YLPM1: variants seen among roughly 807,000 people sequenced by gnomAD.
YLPM1 encodes YLP motif-containing protein 1.
In YLPM1, 99 loss-of-function variants were observed where a neutral mutation model predicts 230.0. The ratio of observed to expected loss-of-function variants is 0.43; its 90% CI spans 0.37 to 0.51. YLPM1 has a LOEUF of 0.51. Ranked by LOEUF, YLPM1 falls within the 20% of genes least tolerant of loss-of-function variation. The pLI is 0.00. For synonymous variants in YLPM1, 984 were observed against 942.5 expected, an observed-to-expected ratio of 1.04 and a Z score of -0.81; for missense variants, 2,592 against 2,707.7, an observed-to-expected ratio of 0.96 and a Z score of 0.95.
chr14:74,835,389 T>G lies in YLPM1; in HGVS notation c.6419T>G (p.Leu2140Arg), dbSNP rs2091636050. Residue 2140 changes from leucine to arginine, a missense_variant, in exon 20 of 21, where the codon CTC becomes CGC. Physicochemically the swap from Leu to Arg is moderately radical, Grantham distance 102. This residue lies in a region of YLPM1 where 315 missense variants were observed against 429.3 expected (regional missense o/e 0.73). Coordinates refer to ENST00000325680, the MANE Select transcript of YLPM1 (RefSeq NM_019589.3). ...AGTGGTCACCTGGCTGAAAAAGCCC[T>G]CAATCGAACCAAATATATATGAGAC... ...DESGHLAEKA[L>R]NRTKYI The G allele has an allele frequency of 6.2e-7, 1 of 1,613,516 alleles. No individual in the cohort carries two copies. The highest frequency in any genetic ancestry group is 1.3e-5 in the African/African-American group (1 of 74,896).
At position 74,764,250 on chromosome 14, in the gene YLPM1, C is replaced by T. The variant is rs45599947; in HGVS notation, c.761C>T (p.Pro254Leu). ...GCTCCACCACCACCGTCCGCCCCCCCTGGAAATAAGACAACTGTCCAGCAA... is the reference window on the plus strand; with the variant it reads ...GCTCCACCACCACCGTCCGCCCCCCTTGGAAATAAGACAACTGTCCAGCAA... ...LLAPPPPSAP[P>L]GNKTTVQQEP... Residue 254 changes from proline (P) to leucine (L), a missense_variant, in exon 1 of 21, where the codon CCT becomes CTT. Around this residue, in one of 4 missense-constraint regions of YLPM1, gnomAD observed 1,862 missense variants for 1,819.8 expected, o/e 1.02. Coordinates refer to ENST00000325680, the MANE Select transcript of YLPM1 (RefSeq NM_019589.3). 0.065 allele frequency: 105,154 copies of T among 1,613,876 alleles called. 3,817 individuals carry two copies. The highest frequency in any genetic ancestry group is 0.1 in the Middle Eastern group (624 of 6,062).
intron 1 of YLPM1, 35 bp from the exon 2 acceptor site, chr14:74,778,412 T>C: frequency 1.3e-6 from 2 of 1,543,638 alleles, no homozygotes; most frequent in Non-Finnish European, 1.8e-6. Context: ...TACATGATTG[T>C]CAATCAAAAT....
intron 4 of YLPM1, among the ~76,000 whole-genome samples, chr14:74,791,233 A>G (rs2091203584): frequency 6.6e-6 from 1 of 152,192 alleles, no homozygotes; most frequent in Non-Finnish European, 1.5e-5. Context: ...ATGCCACTTC[A>G]TTCCAGCCTG....
Position 74,798,903 on chromosome 14 carries a change from A to G in YLPM1, c.3606A>G (p.Glu1202=). 1 of 1,613,962 alleles carries G rather than the reference A, an allele frequency of 6.2e-7. No homozygotes were observed. The highest frequency in any genetic ancestry group is 1.3e-5 in the African/African-American group (1 of 75,042). Residue 1202 remains glutamate, a synonymous_variant, in exon 5 of 21, where the codon GAA becomes GAG. Transcript: ENST00000325680. ...ACCATGGAGAAGAGCGAGGGCATGA[A>G]GAGTTTCCATTAGATGGTAGAAATG... The part of the protein sequence containing the change: ...PWNHGEERGH[E]EFPLDGRNAP...
intron 6 of YLPM1, among the ~76,000 whole-genome samples, chr14:74,808,565 G>A (rs919606767): frequency 2.0e-5 from 3 of 152,136 alleles, no homozygotes; most frequent in Non-Finnish European, 4.4e-5. Context: ...CATTTTGGGA[G>A]GCTGAGGTGG....
chr14:74,807,986 T>A (rs1188796588), intron 6 of YLPM1, among the ~76,000 whole-genome samples: 1 of 152,258 alleles, frequency 6.6e-6, no homozygotes, highest in African/African-American at 2.4e-5. Context: ...AGGGTTTTTT[T>A]AAAATTTTGA....
In YLPM1 at chr14:74,781,524, G is replaced by T. The variant is rs759391594; in HGVS notation, c.1481G>T (p.Ser494Ile). The change falls in exon 4 of 21, where the codon AGC becomes ATC. Residue 494 changes from serine (S) to isoleucine (I), a missense_variant. By Grantham distance (142) the Ser-to-Ile change is moderately radical. Transcript: ENST00000325680. Reference protein sequence around the residue: ...TWQGHMKATQSYLQEKVNSFQ... With the variant: ...TWQGHMKATQIYLQEKVNSFQ... ...CAGGGACATATGAAAGCCACTCAGA[G>T]CTATCTCCAGGAGAAAGTCAATTCA... 1 of 1,613,988 alleles carries T rather than the reference G, an allele frequency of 6.2e-7. No individual in the cohort carries two copies. Among genetic ancestry groups the T allele is most frequent in the Non-Finnish European group, 8.5e-7 (1 of 1,179,896 alleles).
intron 11 of YLPM1, among the ~76,000 whole-genome samples, chr14:74,815,475 T>C (rs1412855500): frequency 6.6e-6 from 1 of 151,242 alleles, no homozygotes; most frequent in East Asian, 1.9e-4. Context: ...GGCATGAGAA[T>C]CGCTCAAACC....
At chr14:74,815,413 T>G (rs12432026) in intron 11 of YLPM1, among the ~76,000 whole-genome samples, 72,770 of 151,704 alleles carry the variant, frequency 0.48, 17,827 homozygotes, top group Non-Finnish European at 0.54. Context: ...AACACAAAAA[T>G]TAGGCGGGCG....
intron 4 of YLPM1, among the ~76,000 whole-genome samples, chr14:74,784,422 T>C (rs2091126785): frequency 6.6e-6 from 1 of 152,308 alleles, no homozygotes; most frequent in African/African-American, 2.4e-5. Flanking sequence ...TTCCTCTTAG[T>C]GATATCAGGA....
Position 74,835,871 on chromosome 14 carries a change from CTTT to C in YLPM1, c.*134_*136del. On this transcript the variant is annotated 3_prime_UTR_variant, in exon 21 of 21. Transcript: ENST00000325680. Reference sequence around the variant, plus strand: ...TTCAGTTCTTGTTTTGTTTCTACTGCTTTAGTTTTTTTTAAAGTTCTCCAGTGT... The same window carrying C: ...TTCAGTTCTTGTTTTGTTTCTACTGCAGTTTTTTTTAAAGTTCTCCAGTGT... 2.2e-6 allele frequency: 1 copy of C among 456,316 alleles called. No homozygotes were observed. The highest frequency in any genetic ancestry group is 1.5e-5 in the South Asian group (1 of 64,538). 28.3% of individuals were successfully genotyped at this position (456,316 alleles called of 1,614,324 possible).
chr14:74,806,757 T>TA (rs1486462084), intron 6 of YLPM1, among the ~76,000 whole-genome samples: 1 of 151,824 alleles, frequency 6.6e-6, no homozygotes, highest in Non-Finnish European at 1.5e-5. Flanking sequence ...ACTTTCCTCT[T>TA]ACAGAAATTC....
chr14:74,803,583 ACCTGTCTG>A (rs1477072989), intron 6 of YLPM1, among the ~76,000 whole-genome samples: 1 of 152,112 alleles, frequency 6.6e-6, no homozygotes, highest in Non-Finnish European at 1.5e-5. Context: ...GTACGCATCT[ACCTGTCTG>A]CAGGGTTTCT....
chr14:74,780,361 CT>C, intron 2 of YLPM1, 43 bp from the exon 3 acceptor site: 1 of 1,547,232 alleles, frequency 6.5e-7, no homozygotes, highest in South Asian at 1.2e-5. Context: ...TTTTTGCTTG[CT>C]GTTTTATGAC....
At position 74,764,074 on chromosome 14, in the gene YLPM1, A is replaced by C. The variant is rs1594802798; in HGVS notation, c.585A>C (p.Pro195=). The change falls in exon 1 of 21, where the codon CCA becomes CCC. Residue 195 remains proline, a synonymous_variant. Transcript: ENST00000325680. ...CTCAGCCGTCCCCTTCGCAGTCCCC[A>C]CCTTCCCAATCCTACCTGGCGCCCA... is the stretch of plus-strand genomic sequence containing the variant. ...PPAQPSPSQS[P]PSQSYLAPTP... is the part of the protein sequence containing the mutation. The C allele has an allele frequency of 6.3e-7, 1 of 1,585,270 alleles. No individual in the cohort carries two copies. The highest frequency in any genetic ancestry group is 1.5e-5 in the African/African-American group (1 of 67,194).
At chr14:74,815,349 G>T (rs2091469020) in intron 11 of YLPM1, among the ~76,000 whole-genome samples, 1 of 152,054 alleles carries the variant, frequency 6.6e-6, no homozygotes, top group South Asian at 2.1e-4. Context: ...ATCACTTGAG[G>T]CTAGGAGTTC....
chr14:74,798,330 A>T lies in YLPM1; in HGVS notation c.3033A>T (p.Glu1011Asp), dbSNP rs2091285286. The T allele has an allele frequency of 3.1e-6, 5 of 1,614,022 alleles. No individual in the cohort carries two copies. The East Asian group carries it at 1.1e-4, about 36-fold the overall frequency. ...PRPDNRDNRLEGNRGNSSSYR... is the reference protein window; with the variant it reads ...PRPDNRDNRLDGNRGNSSSYR... The stretch of plus-strand genomic sequence containing the variant: ...CAGATAATAGAGATAATAGATTAGA[A>T]GGCAATAGAGGCAACAGCTCATCTT... Residue 1011 changes from glutamate to aspartate, a missense_variant, in exon 5 of 21, where the codon GAA (glutamate) becomes GAT (aspartate). Physicochemically the swap from Glu to Asp is conservative, Grantham distance 45. Coordinates refer to ENST00000325680, the MANE Select transcript of YLPM1 (RefSeq NM_019589.3).
At chr14:74,803,061 C>G (rs575988769) in intron 6 of YLPM1, among the ~76,000 whole-genome samples, 1 of 151,834 alleles carries the variant, frequency 6.6e-6, no homozygotes, top group Admixed American at 6.6e-5. Flanking sequence ...GAGTTTGACA[C>G]CAGCCTTCGC....
chr14:74,811,527 A>C (rs1036433435), intron 9 of YLPM1, 93 bp from the exon 10 acceptor site: 5 of 844,118 alleles, frequency 5.9e-6, no homozygotes, highest in Non-Finnish European at 9.4e-6. Context: ...ACCTTCCTAT[A>C]GAGAAAATTG....
Sources: allele counts gnomAD v4.1 joint callset (sites outside exome capture counted in the v4.1 genomes callset), GRCh38; gene constraint gnomAD v4.1.1; regional missense constraint gnomAD v4.1.1; transcripts MANE v1.5; gene names NCBI Gene and HGNC (gene_info 2026-07-23, HGNC 2026-07-21).